Variants in SCIN observed in about 807,000 individuals in gnomAD.
SCIN encodes adseverin.
SCIN carries 91 observed loss-of-function variants against 91.8 expected under a neutral mutation model. The observed-to-expected ratio is 0.99, with a 90% CI of 0.84 to 1.18. The LOEUF is 1.18. Ranked by LOEUF, SCIN falls within the 50% of genes most tolerant of loss-of-function variation. The pLI, the probability that SCIN is intolerant of heterozygous loss-of-function variation, is 0.00. For synonymous variants in SCIN, 367 were observed against 312.6 expected (o/e 1.17, Z -1.84); for missense variants, 1,087 against 863.9 (o/e 1.26, Z -3.24).
chr7:12,629,339 A>T, intron 9 of SCIN, 117 bp downstream of exon 9: 1 of 934,008 alleles, frequency 1.1e-6, no homozygotes, highest in Non-Finnish European at 1.5e-6. Context: ...TGAGATTTGT[A>T]TAGCATGCAT....
chr7:12,597,459 C>T (rs934569336), intron 3 of SCIN, among the ~76,000 whole-genome samples: 4 of 152,202 alleles, frequency 2.6e-5, no homozygotes, highest in African/African-American at 7.2e-5. Flanking sequence ...ATTCCTTGCA[C>T]ATGTTGAGTC....
chr7:12,589,608 A>T (rs1782674571), intron 3 of SCIN: 1 of 152,222 alleles, frequency 6.6e-6, no homozygotes, highest in Non-Finnish European at 1.5e-5. Flanking sequence ...TTCTAAAAAG[A>T]TACACAGGCC....
rs2115309831 is a variant in SCIN at position 12,655,979 on chromosome 7, T to A, written c.*3264T>A. On this transcript the variant is annotated 3_prime_UTR_variant, in exon 16 of 16. Transcript: ENST00000297029. Reference sequence around the variant, plus strand: ...CATACTCAACTCAGTCAAACAGAGGTCCTGCATTTACCTCTTGGTGCCGGA... The same window carrying A: ...CATACTCAACTCAGTCAAACAGAGGACCTGCATTTACCTCTTGGTGCCGGA... 1 of 152,258 alleles carries A rather than the reference T, an allele frequency of 6.6e-6. No homozygotes were observed. The highest frequency in any genetic ancestry group is 1.9e-4 in the East Asian group (1 of 5,182). The allele number at this position is 152,258 out of a possible 1,614,324, so 9.4% of individuals were successfully genotyped here. A position where few individuals can be genotyped will look rare whatever the true frequency, so the allele number is the denominator to read the frequency against.
At chr7:12,572,034 A>T (rs1384207538) in intron 1 of SCIN, among the ~76,000 whole-genome samples, 1 of 152,248 alleles carries the variant, frequency 6.6e-6, no homozygotes, top group African/African-American at 2.4e-5. Context: ...ACAAAACCAC[A>T]CACACTTACA....
intron 3 of SCIN, among the ~76,000 whole-genome samples, chr7:12,591,370 T>C (rs2115230004): frequency 6.6e-6 from 1 of 152,230 alleles, no homozygotes; most frequent in African/African-American, 2.4e-5. Flanking sequence ...GTTTCCTGCT[T>C]TCTAGAGCTA....
intron 3 of SCIN, among the ~76,000 whole-genome samples, chr7:12,586,878 G>A (rs921431189): frequency 1.3e-5 from 2 of 152,108 alleles, no homozygotes; most frequent in South Asian, 4.1e-4. Context: ...CTTAAAAAAT[G>A]AGCTCATAGA....
chr7:12,647,373 C>T (rs1383688724), intron 13 of SCIN, among the ~76,000 whole-genome samples: 2 of 152,160 alleles, frequency 1.3e-5, no homozygotes, highest in East Asian at 3.8e-4. Flanking sequence ...GTAGGCTTTA[C>T]ACGTGTAGAT....
chr7:12,572,984 A>T (rs1179195286), intron 1 of SCIN, among the ~76,000 whole-genome samples: 1 of 152,166 alleles, frequency 6.6e-6, no homozygotes, highest in Non-Finnish European at 1.5e-5. Context: ...TTCTGTGGTT[A>T]TTGGGAAACA....
At chr7:12,595,197 G>A (rs1353879471) in intron 3 of SCIN, among the ~76,000 whole-genome samples, 1 of 152,198 alleles carries the variant, frequency 6.6e-6, no homozygotes, top group Non-Finnish European at 1.5e-5. Flanking sequence ...ACCACAGTCA[G>A]AGGAGGCAGC....
chr7:12,592,263 G>A (rs1373969200), intron 3 of SCIN, among the ~76,000 whole-genome samples: 1 of 152,150 alleles, frequency 6.6e-6, no homozygotes, highest in Non-Finnish European at 1.5e-5. Context: ...TGGACTATGG[G>A]ATGAATAGGG....
intron 3 of SCIN, among the ~76,000 whole-genome samples, chr7:12,586,333 T>C (rs1391735226): frequency 4.6e-5 from 7 of 152,184 alleles, no homozygotes; most frequent in Non-Finnish European, 4.4e-5. Flanking sequence ...GAAAAAATGC[T>C]GAACATCACT....
In SCIN at chr7:12,652,837, C is replaced by T; in HGVS notation, c.*122C>T. ...TGAAAATTAAGGCTGGGCGCGGTGG[C>T]TCACACCTGTAATCCCAGCACTTTG... On this transcript the variant is annotated 3_prime_UTR_variant, in exon 16 of 16. Coordinates refer to ENST00000297029, the MANE Select transcript of SCIN (RefSeq NM_001112706.3). The T allele has an allele frequency of 8.2e-7, 1 of 1,214,574 alleles. No individual in the cohort carries two copies. The allele number at this position is 1,214,574 out of a possible 1,614,324, so 75.2% of individuals were successfully genotyped here.
In SCIN at chr7:12,655,911, T is replaced by A. The variant is rs902983184; in HGVS notation, c.*3196T>A. The A allele has an allele frequency of 2.0e-5, 3 of 152,170 alleles. No homozygotes were observed. The highest frequency in any genetic ancestry group is 4.1e-4 in the South Asian group (2 of 4,826). 9.4% of individuals were successfully genotyped at this position (152,170 alleles called of 1,614,324 possible). The stretch of plus-strand genomic sequence containing the variant: ...CAGAAAGACCCAGGAAGCCTACTGT[T>A]AGTAGAGGTCAGCCTCATCTTTTCT... On this transcript the variant is annotated 3_prime_UTR_variant, in exon 16 of 16. Transcript: ENST00000297029.
At chr7:12,595,036 GGAGAGA>G (rs149702696) in intron 3 of SCIN, among the ~76,000 whole-genome samples, 2 of 151,594 alleles carry the variant, frequency 1.3e-5, no homozygotes, top group African/African-American at 4.8e-5. Context: ...AGGGATGATA[GGAGAGA>G]GAGAGAGAGA....
Position 12,649,528 on chromosome 7 carries a change from T to C in SCIN, c.1943T>C (p.Leu648Pro), listed in dbSNP as rs759886466. 2 of 1,599,996 alleles carry C rather than the reference T, an allele frequency of 1.3e-6. No individual in the cohort carries two copies. The highest frequency in any genetic ancestry group is 1.3e-5 in the African/African-American group (1 of 74,886). Residue 648 changes from leucine to proline, a missense_variant, in exon 14 of 16, where the codon CTA (leucine) becomes CCA (proline). By Grantham distance (98) the Leu-to-Pro change is moderately conservative (BLOSUM62 -3). Coordinates refer to ENST00000297029, the MANE Select transcript of SCIN (RefSeq NM_001112706.3). ...TTAGCTGAAGATGATGTCATGTTAC[T>C]AGATGCTTGGGAACAGGTAAAACTA... ...DDLAEDDVMLLDAWEQIFIWI... is the reference protein window; with the variant it reads ...DDLAEDDVMLPDAWEQIFIWI...
intron 4 of SCIN, among the ~76,000 whole-genome samples, chr7:12,619,017 A>G (rs927323912): frequency 6.6e-6 from 1 of 152,058 alleles, no homozygotes; most frequent in Admixed American, 6.6e-5. Flanking sequence ...AAAACTCCTA[A>G]CTTCCTTCAG....
At chr7:12,649,919 G>A (rs1784045503) in intron 14 of SCIN, among the ~76,000 whole-genome samples, 1 of 152,154 alleles carries the variant, frequency 6.6e-6, no homozygotes, top group Admixed American at 6.5e-5. Flanking sequence ...AGTTTCTTTT[G>A]AAATTTGACA....
intron 3 of SCIN, among the ~76,000 whole-genome samples, chr7:12,592,443 T>G (rs149079176): frequency 6.6e-6 from 1 of 151,846 alleles, no homozygotes; most frequent in Non-Finnish European, 1.5e-5. Flanking sequence ...GTTAGAGAGA[T>G]GGGGTATTGA....
intron 9 of SCIN, 26 bp downstream of exon 9, chr7:12,629,248 G>T: frequency 6.3e-7 from 1 of 1,583,334 alleles, no homozygotes; most frequent in Non-Finnish European, 8.6e-7. Context: ...TAAAGATCTC[G>T]AGTTCCACAG....
Sources: allele counts gnomAD v4.1 joint callset (sites outside exome capture counted in the v4.1 genomes callset), GRCh38; gene constraint gnomAD v4.1.1; transcripts MANE v1.5; gene names NCBI Gene and HGNC (gene_info 2026-07-23, HGNC 2026-07-21).